CLSTN2: variants seen among roughly 807,000 people sequenced by gnomAD.
CLSTN2 encodes calsyntenin 2.
CLSTN2 carries 48 observed loss-of-function variants against 101.2 expected under a neutral mutation model. The ratio of observed to expected loss-of-function variants is 0.47; its 90% confidence interval spans 0.38 to 0.60. CLSTN2 has a LOEUF of 0.60. CLSTN2 is among the 20% of genes least tolerant of loss of function. The pLI is 0.00. For synonymous variants in CLSTN2, 481 were observed against 463.6 expected, an observed-to-expected ratio of 1.04 and a Z score of -0.48; for missense variants, 1,160 against 1,238.2, an observed-to-expected ratio of 0.94 and a Z score of 0.95.
intron 1 of CLSTN2, among the ~76,000 whole-genome samples, chr3:140,075,916 T>TA (rs896556645): frequency 1.5e-3 from 218 of 145,606 alleles, no homozygotes; most frequent in Middle Eastern, 0.011. Flanking sequence ...TTGTGCTCCT[T>TA]AAAAAAAAAA....
At chr3:140,100,117 C>T (rs1417928222) in intron 1 of CLSTN2, among the ~76,000 whole-genome samples, 1 of 151,870 alleles carries the variant, frequency 6.6e-6, no homozygotes, top group Non-Finnish European at 1.5e-5. Flanking sequence ...TTTTTAAAAT[C>T]CAACATTATC....
intron 9 of CLSTN2, among the ~76,000 whole-genome samples, chr3:140,534,715 T>A (rs1935327470): frequency 6.6e-6 from 1 of 152,214 alleles, no homozygotes; most frequent in Non-Finnish European, 1.5e-5. Flanking sequence ...TTTATTCATA[T>A]TTTATTGGCC....
chr3:140,528,348 C>A (rs571475552), intron 8 of CLSTN2, among the ~76,000 whole-genome samples: 13 of 152,240 alleles, frequency 8.5e-5, no homozygotes, highest in Admixed American at 8.5e-4. Context: ...TCCTTGCAGC[C>A]TTATTGCACA....
intron 8 of CLSTN2, among the ~76,000 whole-genome samples, chr3:140,479,511 G>C (rs1934066569): frequency 6.6e-6 from 1 of 152,164 alleles, no homozygotes; most frequent in Admixed American, 6.5e-5. Context: ...TCATTCAAGA[G>C]AAACAGACCC....
At chr3:139,973,426 A>G (rs940168060) in intron 1 of CLSTN2, among the ~76,000 whole-genome samples, 2 of 152,324 alleles carry the variant, frequency 1.3e-5, no homozygotes, top group East Asian at 1.9e-4. Flanking sequence ...TAGAGCTTTC[A>G]TAAGTGAATT....
chr3:140,467,041 A>G (rs1453453322), intron 8 of CLSTN2, among the ~76,000 whole-genome samples: 2 of 152,178 alleles, frequency 1.3e-5, no homozygotes, highest in African/African-American at 2.4e-5. Flanking sequence ...CCCCAGGCCC[A>G]GTTACGATCT....
intron 15 of CLSTN2, among the ~76,000 whole-genome samples, chr3:140,563,632 G>A (rs113119477): frequency 4.2e-4 from 64 of 152,252 alleles, no homozygotes; most frequent in African/African-American, 1.1e-3. Context: ...ACAGTGCTTG[G>A]CTCTGTGGAA....
At position 139,935,325 on chromosome 3, in the gene CLSTN2, C is replaced by T; in HGVS notation, c.-50C>T. The T allele has an allele frequency of 9.6e-7, 1 of 1,047,016 alleles. No homozygotes were observed. Among genetic ancestry groups the T allele is most frequent in the Non-Finnish European group, 1.2e-6 (1 of 822,284 alleles). 64.9% of individuals were successfully genotyped at this position (1,047,016 alleles called of 1,614,324 possible). On this transcript the variant is annotated 5_prime_UTR_variant, in exon 1 of 17. Coordinates refer to ENST00000458420, the MANE Select transcript of CLSTN2 (RefSeq NM_022131.3). The surrounding 1 kb of genome is among the most constrained non-coding windows in gnomAD (Gnocchi z 5.5). ...GCGGCAGGCACCGGGAGGCGAGAGC[C>T]GGCGCGGACAGTAGGCGGCGGCTGC...
chr3:140,477,760 G>T (rs1407295724), intron 8 of CLSTN2, among the ~76,000 whole-genome samples: 1 of 152,208 alleles, frequency 6.6e-6, no homozygotes, highest in Admixed American at 6.5e-5. Context: ...TATCCACCAA[G>T]TCTTCACTAT....
intron 1 of CLSTN2, among the ~76,000 whole-genome samples, chr3:140,063,548 A>T (rs538104142): frequency 3.3e-5 from 5 of 152,308 alleles, no homozygotes; most frequent in Non-Finnish European, 7.4e-5. Flanking sequence ...AGTCATCCTT[A>T]TCTTAGGGAA....
chr3:139,955,586 G>A (rs1280089151), intron 1 of CLSTN2, among the ~76,000 whole-genome samples: 4 of 152,282 alleles, frequency 2.6e-5, no homozygotes, highest in South Asian at 2.1e-4. Flanking sequence ...AGGTGTCTTC[G>A]GGCCGGGCTC....
intron 8 of CLSTN2, among the ~76,000 whole-genome samples, chr3:140,527,411 T>TA (rs994780369): frequency 1.1e-4 from 17 of 152,016 alleles, no homozygotes; most frequent in African/African-American, 3.6e-4. Flanking sequence ...TGGCAATTAT[T>TA]AAAAAATCAA....
rs775448184 is a variant in CLSTN2, at chr3:140,466,636, T to C, written c.1249T>C (p.Tyr417His). The stretch of plus-strand genomic sequence containing the variant: ...AATGAACCGGCATCACTATGCCCTG[T>C]ATGTGCACAACTGCCGCCTCGTCTT... ...TEMNRHHYAL[Y>H]VHNCRLVFLL... is the part of the protein sequence containing the mutation. Residue 417 changes from tyrosine (Y) to histidine (H), a missense_variant, in exon 8 of 17, where the codon TAT becomes CAT. Transcript: ENST00000458420. 1 of 1,614,200 alleles carries C rather than the reference T, an allele frequency of 6.2e-7. No homozygotes were observed.
rs888942667 is a variant in CLSTN2, at chr3:140,491,015, C to T, written c.1344+24284C>T. ...CCTGTTCATTAAGAAGATTTTAGCA[C>T]GGTGTCAACCCCCGTAAGTCATACG... On this transcript the variant is annotated intron_variant, in intron 8 of 16. Transcript: ENST00000458420. Among the ~76,000 whole-genome samples, 47 of 152,306 alleles carry T rather than the reference C, an allele frequency of 3.1e-4. 2 individuals are homozygous for T. Among genetic ancestry groups the T allele is most frequent in the Admixed American group, 2.7e-3 (42 of 15,294 alleles).
intron 1 of CLSTN2, among the ~76,000 whole-genome samples, chr3:139,966,226 T>A (rs1935595934): frequency 6.6e-6 from 1 of 152,198 alleles, no homozygotes; most frequent in South Asian, 2.1e-4. Context: ...CAACCTTCAA[T>A]GTGCTCTGCA....
Position 140,447,773 on chromosome 3 carries a change from C to A in CLSTN2, c.788-746C>A, listed in dbSNP as rs895827586. On this transcript the variant is annotated intron_variant, in intron 5 of 16. Transcript: ENST00000458420. ...CAAAGTTAAAAAATGGGGTGAGGGGCACAACACTCAAAAATGTCATCGGTG... is the reference window on the plus strand; with the variant it reads ...CAAAGTTAAAAAATGGGGTGAGGGGAACAACACTCAAAAATGTCATCGGTG... Among the ~76,000 whole-genome samples the A allele has an allele frequency of 3.3e-5, 5 of 152,038 alleles. 1 individual carries two copies. The highest frequency in any genetic ancestry group is 7.4e-5 in the Non-Finnish European group (5 of 68,012).
intron 5 of CLSTN2, among the ~76,000 whole-genome samples, chr3:140,432,677 A>G (rs147151951): frequency 4.3e-4 from 65 of 152,280 alleles, no homozygotes; most frequent in Admixed American, 2.0e-3. Flanking sequence ...TAATGTGCTT[A>G]AAGAGCTGCC....
Position 140,566,154 on chromosome 3 carries a change from A to AGAGGAG in CLSTN2, c.2781_2786dup (p.Glu928_Glu929dup), listed in dbSNP as rs10573488. The AGAGGAG allele has an allele frequency of 1.2e-6, 2 of 1,611,016 alleles. No individual in the cohort carries two copies. Among genetic ancestry groups the AGAGGAG allele is most frequent in the African/African-American group, 1.3e-5 (1 of 74,922 alleles). ...CCAGCAGTGGCTCTGACGACAGCGA[A>AGAGGAG]GAGGAGGAGGAGGAGGAAGGGATGG... On this transcript the variant is annotated inframe_insertion, in exon 17 of 17. Transcript: ENST00000458420.
chr3:140,055,634 G>A (rs902905137), intron 1 of CLSTN2, among the ~76,000 whole-genome samples: 13 of 152,306 alleles, frequency 8.5e-5, no homozygotes, highest in Admixed American at 5.2e-4. Context: ...AGCGTTCAGC[G>A]TAGTACCTAC....
Sources: gnomAD v4.1 joint callset for allele counts (sites outside exome capture counted in the v4.1 genomes callset) on GRCh38, gnomAD v4.1.1 for gene constraint, Gnocchi (gnomAD v3.1) non-coding constraint, MANE v1.5 for transcripts, NCBI Gene and HGNC (gene_info 2026-07-23, HGNC 2026-07-21) for gene names.